The following DYM variants were observed in gnomAD, a reference collection of about 807,000 sequenced individuals.
The protein encoded by DYM is dymeclin.
Under a neutral mutation model 93.1 loss-of-function variants are expected in DYM, and 78 were observed. The observed-to-expected ratio is 0.84, with a 90% CI of 0.70 to 1.01. DYM has a LOEUF of 1.01. DYM is among the 50% of genes least tolerant of loss of function. The pLI, the probability that DYM is intolerant of heterozygous loss-of-function variation, is 0.00. For synonymous variants in DYM, 321 were observed against 319.7 expected (o/e 1.00, Z -0.04); for missense variants, 789 against 845.0 (o/e 0.93, Z 0.82).
intron 8 of DYM, among the ~76,000 whole-genome samples, chr18:49,289,368 A>G (rs988315769): frequency 3.5e-5 from 5 of 142,518 alleles, no homozygotes; most frequent in African/African-American, 1.3e-4. Context: ...CGTAACATGC[A>G]TAACAAAAGG....
At chr18:49,414,011 A>G (rs1215142358) in intron 2 of DYM, among the ~76,000 whole-genome samples, 1 of 149,978 alleles carries the variant, frequency 6.7e-6, no homozygotes, top group East Asian at 2.2e-4. Flanking sequence ...CTCTGTCTCA[A>G]AAAAGAAAGA....
chr18:49,408,047 T>C (rs112282714), intron 2 of DYM, among the ~76,000 whole-genome samples: 15 of 122,892 alleles, frequency 1.2e-4, no homozygotes, highest in Admixed American at 2.9e-4. Flanking sequence ...CTGGGCAACA[T>C]AGCAAGACCT....
intron 11 of DYM, among the ~76,000 whole-genome samples, chr18:49,269,970 T>G (rs2145476578): frequency 6.6e-6 from 1 of 152,320 alleles, no homozygotes; most frequent in Non-Finnish European, 1.5e-5. Context: ...TTTAAAATCT[T>G]TTATACTGTA....
intron 6 of DYM, among the ~76,000 whole-genome samples, chr18:49,359,566 G>C (rs779434931): frequency 6.6e-6 from 1 of 152,048 alleles, no homozygotes; most frequent in South Asian, 2.1e-4. Context: ...TTATAATAAG[G>C]TATCATTTAC....
chr18:49,409,141 G>A (rs956990174), intron 2 of DYM, among the ~76,000 whole-genome samples: 6 of 151,656 alleles, frequency 4.0e-5, no homozygotes, highest in African/African-American at 9.7e-5. Flanking sequence ...AAAATTAGCC[G>A]AGCATGGTGG....
intron 17 of DYM, among the ~76,000 whole-genome samples, chr18:49,045,865 G>A (rs1218912287): frequency 6.6e-6 from 1 of 152,050 alleles, no homozygotes; most frequent in Admixed American, 6.6e-5. Context: ...ATAAGGTCCC[G>A]GAAGCCTCTG....
chr18:49,241,286 T>A (rs541647944), intron 13 of DYM, among the ~76,000 whole-genome samples: 5 of 152,200 alleles, frequency 3.3e-5, no homozygotes, highest in Non-Finnish European at 7.4e-5. Context: ...GCTTTATCAA[T>A]GTCAGGTCTG....
chr18:49,254,602 T>C (rs2094355352), intron 13 of DYM, among the ~76,000 whole-genome samples: 1 of 152,176 alleles, frequency 6.6e-6, no homozygotes, highest in Non-Finnish European at 1.5e-5. Flanking sequence ...AGATTAAAAC[T>C]TGGACACAGT....
At chr18:49,164,997 A>G (rs1358635954) in intron 14 of DYM, among the ~76,000 whole-genome samples, 1 of 152,190 alleles carries the variant, frequency 6.6e-6, no homozygotes, top group African/African-American at 2.4e-5. Flanking sequence ...CTGGATAAAA[A>G]AGCGAGACCC....
At chr18:49,399,046 T>C (rs992045317) in intron 2 of DYM, among the ~76,000 whole-genome samples, 4 of 152,208 alleles carry the variant, frequency 2.6e-5, no homozygotes, top group Non-Finnish European at 5.9e-5. Context: ...AGCTGCTAAA[T>C]TTGTTCATCA....
chr18:49,097,116 C>G (rs958108532), intron 17 of DYM: 7 of 479,466 alleles, frequency 1.5e-5, no homozygotes, highest in Non-Finnish European at 2.3e-5. Flanking sequence ...CTTGATGATA[C>G]TCTTAAGGCC....
chr18:49,053,972 T>C (rs975664919), intron 17 of DYM, among the ~76,000 whole-genome samples: 19 of 152,182 alleles, frequency 1.2e-4, no homozygotes, highest in African/African-American at 4.3e-4. Context: ...TCCCGGACGA[T>C]GCTCTCCCAG....
chr18:49,242,725 A>G (rs537636111), intron 13 of DYM, among the ~76,000 whole-genome samples: 7 of 152,292 alleles, frequency 4.6e-5, no homozygotes, highest in African/African-American at 1.7e-4. Context: ...TTTGAGACGG[A>G]GTCTAGCTCA....
chr18:49,069,285 C>T (rs1481571896), intron 17 of DYM, among the ~76,000 whole-genome samples: 1 of 152,176 alleles, frequency 6.6e-6, no homozygotes, highest in East Asian at 1.9e-4. Context: ...AAAAAGAAAA[C>T]TAACCTGCTA....
intron 16 of DYM, among the ~76,000 whole-genome samples, chr18:49,110,681 A>T (rs557165252): frequency 5.9e-5 from 9 of 152,172 alleles, no homozygotes; most frequent in South Asian, 4.2e-4. Flanking sequence ...AATGTCTTTT[A>T]AAAAAATGGA....
chr18:49,094,331 T>G (rs1436271140), intron 17 of DYM, among the ~76,000 whole-genome samples: 1 of 152,170 alleles, frequency 6.6e-6, no homozygotes, highest in Non-Finnish European at 1.5e-5. Flanking sequence ...ACATGCCCTG[T>G]TGTGGATACA....
intron 6 of DYM, among the ~76,000 whole-genome samples, chr18:49,355,952 G>C (rs1303018872): frequency 5.9e-5 from 9 of 152,102 alleles, no homozygotes; most frequent in Non-Finnish European, 1.2e-4. Context: ...TTTAAAAAGG[G>C]ATGAGACAAA....
chr18:49,350,375 C>A (rs961224307), intron 6 of DYM, among the ~76,000 whole-genome samples: 1 of 152,118 alleles, frequency 6.6e-6, no homozygotes, highest in South Asian at 2.1e-4. Context: ...ATAAAAGCAA[C>A]TTACAGAATA....
At chr18:49,250,558 T>C (rs1392086278) in intron 13 of DYM, among the ~76,000 whole-genome samples, 1 of 152,212 alleles carries the variant, frequency 6.6e-6, no homozygotes, top group Non-Finnish European at 1.5e-5. Context: ...TCTTTCTCTT[T>C]GTAATCTGAA....
Sources: allele counts gnomAD v4.1 joint callset (sites outside exome capture counted in the v4.1 genomes callset), GRCh38; gene constraint gnomAD v4.1.1; transcripts MANE v1.5; gene names NCBI Gene and HGNC (gene_info 2026-07-23, HGNC 2026-07-21).